Variants in KLF15 observed in about 807,000 individuals in gnomAD.
KLF15 encodes KLF transcription factor 15.
KLF15 carries 4 observed loss-of-function variants against 24.6 expected under a neutral mutation model. That is an observed-to-expected ratio of 0.16 (90% CI 0.08 to 0.37). The LOEUF (loss-of-function observed/expected upper bound fraction) is 0.37. Among genes scored for constraint, KLF15 ranks in the 10% least tolerant of loss-of-function variants. The probability of loss-of-function intolerance (pLI) is 1.00; values close to 1 mark genes in which losing one functional copy is unlikely to be tolerated. For synonymous variants in KLF15, 246 were observed against 236.3 expected, an observed-to-expected ratio of 1.04 and a Z score of -0.37; for missense variants, 496 against 560.6, an observed-to-expected ratio of 0.88 and a Z score of 1.16.
chr3:126,352,942 T>A lies in KLF15; in HGVS notation c.-20A>T. ...CACCATGCTGGCCTGGCCGTGCCGG[T>A]GGCGGCTGCAGGAAAGGAACACAGG... On this transcript the variant is annotated 5_prime_UTR_variant, in exon 2 of 3. Transcript: ENST00000296233. 1 of 1,576,594 alleles carries A rather than the reference T, an allele frequency of 6.3e-7. No individual in the cohort carries two copies.
chr3:126,333,648 C>A, the KLF15 span, among the ~76,000 whole-genome samples: 1 of 149,086 alleles, frequency 6.7e-6, no homozygotes, highest in Non-Finnish European at 1.5e-5. Flanking sequence ...AGAGTCAAGA[C>A]CCATCAGTGT....
the KLF15 span, among the ~76,000 whole-genome samples, chr3:126,319,201 A>G: frequency 0.16 from 24,635 of 152,216 alleles, 2,269 homozygotes; most frequent in Admixed American, 0.24. Flanking sequence ...ACTGAAGGAC[A>G]TGTTGGTTGC....
At chr3:126,300,236 G>C in the KLF15 span, among the ~76,000 whole-genome samples, 2 of 152,150 alleles carry the variant, frequency 1.3e-5, no homozygotes, top group Non-Finnish European at 2.9e-5. Flanking sequence ...GGGCAGGAAC[G>C]AGGCCATCCG....
At position 126,352,145 on chromosome 3, in the gene KLF15, A is replaced by C. The variant is rs1469464335; in HGVS notation, c.778T>G (p.Phe260Val). Residue 260 changes from phenylalanine to valine, a missense_variant, in exon 2 of 3, where the codon TTC becomes GTC. Physicochemically the swap from Phe to Val is conservative, Grantham distance 50. This residue lies in a region of KLF15 where 399 missense variants were observed against 423.1 expected (regional missense o/e 0.94). Transcript: ENST00000296233. Reference protein sequence around the residue: ...QLLVNIQGQTFALVPQVVPSS... With the variant: ...QLLVNIQGQTVALVPQVVPSS... ...GGTACCACCTGGGGCACGAGTGCGA[A>C]GGTCTGCCCCTGGATGTTGACCAGG... The C allele has an allele frequency of 6.4e-7, 1 of 1,572,134 alleles. No homozygotes were observed. Among genetic ancestry groups the C allele is most frequent in the South Asian group, 1.2e-5 (1 of 85,224 alleles).
chr3:126,322,507 G>A, the KLF15 span, among the ~76,000 whole-genome samples: 4 of 152,044 alleles, frequency 2.6e-5, no homozygotes, highest in Admixed American at 6.5e-5. Context: ...TTGTGATTAC[G>A]CTGGATCCAC....
At chr3:126,351,298 CT>C (rs1404034858) in intron 2 of KLF15, among the ~76,000 whole-genome samples, 2 of 152,258 alleles carry the variant, frequency 1.3e-5, no homozygotes, top group Non-Finnish European at 2.9e-5. Flanking sequence ...CCAGAGACAT[CT>C]GTGAATGAAG....
In KLF15 at chr3:126,352,885, G is replaced by A. The variant is rs368930877; in HGVS notation, c.38C>T (p.Ser13Leu). ...DHLLPVDENF[S>L]SPKCPVGYLG... is the part of the protein sequence containing the mutation. ...ATACCCAACTGGGCATTTTGGCGAC[G>A]AGAAGTTCTCGTCCACTGGAAGTAA... Residue 13 changes from serine to leucine, a missense_variant, in exon 2 of 3, where the codon TCG becomes TTG. This residue lies in a region of KLF15 where 399 missense variants were observed against 423.1 expected (regional missense o/e 0.94). Coordinates refer to ENST00000296233, the MANE Select transcript of KLF15 (RefSeq NM_014079.4). 2.7e-5 allele frequency: 43 copies of A among 1,611,356 alleles called. No homozygotes were observed. The highest frequency in any genetic ancestry group is 1.5e-4 in the Admixed American group (9 of 59,888).
the KLF15 span, among the ~76,000 whole-genome samples, chr3:126,291,922 T>C: frequency 6.6e-6 from 1 of 152,166 alleles, no homozygotes; most frequent in African/African-American, 2.4e-5. Context: ...AGCCCAGAAG[T>C]CCCCGAGTAC....
chr3:126,300,845 A>C, the KLF15 span, among the ~76,000 whole-genome samples: 1 of 152,194 alleles, frequency 6.6e-6, no homozygotes, highest in East Asian at 1.9e-4. Flanking sequence ...TGGTAGAGGA[A>C]GCACAAGGAA....
At chr3:126,345,781 A>G (rs2082530885) in intron 2 of KLF15, among the ~76,000 whole-genome samples, 1 of 152,084 alleles carries the variant, frequency 6.6e-6, no homozygotes, top group Non-Finnish European at 1.5e-5. Flanking sequence ...TGCTCTGGAC[A>G]AGGCACAGGG....
the KLF15 span, among the ~76,000 whole-genome samples, chr3:126,301,707 G>C: frequency 5.3e-3 from 784 of 147,980 alleles, 5 homozygotes; most frequent in African/African-American, 0.019. Context: ...CTCTGCCCCC[G>C]GGGTTCAAGC....
the KLF15 span, among the ~76,000 whole-genome samples, chr3:126,329,708 G>T: frequency 7.2e-6 from 1 of 138,960 alleles, no homozygotes; most frequent in Non-Finnish European, 1.5e-5. Flanking sequence ...ATGAATTATA[G>T]ATCAATATGA....
At chr3:126,351,285 T>G (rs928266480) in intron 2 of KLF15, among the ~76,000 whole-genome samples, 1 of 152,250 alleles carries the variant, frequency 6.6e-6, no homozygotes, top group African/African-American at 2.4e-5. Flanking sequence ...CCAGCCCATG[T>G]GTCCAGAGAC....
the KLF15 span, among the ~76,000 whole-genome samples, chr3:126,305,917 T>C: frequency 6.6e-6 from 1 of 152,236 alleles, no homozygotes; most frequent in Non-Finnish European, 1.5e-5. Flanking sequence ...GGAGATTTAC[T>C]GAATGGAGTT....
chr3:126,289,678 A>AATACAGGGCTTACC, the KLF15 span, among the ~76,000 whole-genome samples: 1 of 152,370 alleles, frequency 6.6e-6, no homozygotes, highest in Non-Finnish European at 1.5e-5. Context: ...TAGGTTAATA[A>AATACAGGGCTTACC]ATACAGGGCT....
chr3:126,308,618 G>T, the KLF15 span, among the ~76,000 whole-genome samples: 1 of 152,172 alleles, frequency 6.6e-6, no homozygotes, highest in Non-Finnish European at 1.5e-5. Context: ...CTGGTATTAG[G>T]GCTCAGCGCG....
At chr3:126,293,273 C>T in the KLF15 span, among the ~76,000 whole-genome samples, 3 of 152,018 alleles carry the variant, frequency 2.0e-5, no homozygotes, top group Middle Eastern at 3.2e-3. Context: ...CATGATTGTG[C>T]CACTGCACTC....
the KLF15 span, among the ~76,000 whole-genome samples, chr3:126,308,396 C>T: frequency 6.6e-6 from 1 of 152,096 alleles, no homozygotes; most frequent in Admixed American, 6.5e-5. Flanking sequence ...AGCCAGTTCT[C>T]TTCAGCCAAG....
chr3:126,328,671 A>T, the KLF15 span, among the ~76,000 whole-genome samples: 17 of 152,224 alleles, frequency 1.1e-4, no homozygotes, highest in Non-Finnish European at 2.4e-4. Context: ...CTCCAAAAAA[A>T]AATTGTACTA....
Sources: gnomAD v4.1 joint callset for allele counts (sites outside exome capture counted in the v4.1 genomes callset) on GRCh38, gnomAD v4.1.1 for gene constraint, gnomAD v4.1.1 regional missense constraint, MANE v1.5 for transcripts, NCBI Gene and HGNC (gene_info 2026-07-23, HGNC 2026-07-21) for gene names.